The following CSMD1 variants were observed in gnomAD, a reference collection of about 807,000 sequenced individuals.
CSMD1 encodes the protein CUB and Sushi multiple domains 1.
CSMD1 carries 213 observed loss-of-function variants against 417.5 expected under a neutral mutation model. The ratio of observed to expected loss-of-function variants is 0.51; its 90% CI spans 0.46 to 0.57. CSMD1 has a LOEUF of 0.57. Among genes scored for constraint, CSMD1 ranks in the 20% least tolerant of loss-of-function variants. The pLI, the probability that CSMD1 is intolerant of heterozygous loss-of-function variation, is 0.00. For synonymous variants in CSMD1, 2,862 were observed against 1,736.8 expected, an observed-to-expected ratio of 1.65 and a Z score of -16.11; for missense variants, 6,923 against 4,529.7, an observed-to-expected ratio of 1.53 and a Z score of -15.17.
chr8:3,732,507 G>C (rs937206986), intron 6 of CSMD1, among the ~76,000 whole-genome samples: 5 of 151,024 alleles, frequency 3.3e-5, no homozygotes, highest in Admixed American at 1.3e-4. Flanking sequence ...ATAGCTATAA[G>C]AGGAAAATAT....
At chr8:3,409,737 G>A (rs750570263) in intron 12 of CSMD1, 132 bp from the exon 13 acceptor site, 24 of 652,072 alleles carry the variant, frequency 3.7e-5, no homozygotes, top group Non-Finnish European at 5.6e-5. Context: ...TGTTTCTAAA[G>A]GATATTCAAT....
At chr8:3,672,070 C>T (rs980487635) in intron 7 of CSMD1, among the ~76,000 whole-genome samples, 3 of 152,162 alleles carry the variant, frequency 2.0e-5, no homozygotes, top group African/African-American at 7.2e-5. Flanking sequence ...TCTTATCTTA[C>T]TTTCAAAGTG....
intron 23 of CSMD1, among the ~76,000 whole-genome samples, chr8:3,311,238 C>G (rs540203061): frequency 5.3e-5 from 8 of 152,018 alleles, no homozygotes; most frequent in African/African-American, 1.9e-4. Context: ...ATAGTCCTCC[C>G]CACTACTAAT....
At chr8:4,077,160 G>A (rs1264836587) in intron 3 of CSMD1, among the ~76,000 whole-genome samples, 2 of 151,358 alleles carry the variant, frequency 1.3e-5, no homozygotes, top group Non-Finnish European at 2.9e-5. Context: ...GCATCCAACT[G>A]CACCCAATGG....
intron 4 of CSMD1, among the ~76,000 whole-genome samples, chr8:4,027,974 G>C (rs147731095): frequency 6.6e-6 from 1 of 152,116 alleles, no homozygotes; most frequent in African/African-American, 2.4e-5. Flanking sequence ...GATGCCCAAT[G>C]GCACTCTCTT....
At chr8:4,302,016 T>G (rs774904121) in intron 3 of CSMD1, among the ~76,000 whole-genome samples, 16 of 152,246 alleles carry the variant, frequency 1.1e-4, no homozygotes, top group Non-Finnish European at 1.5e-4. Context: ...ATGAGTTTAT[T>G]TTGGTACAAA....
At chr8:3,785,235 G>C (rs543144042) in intron 5 of CSMD1, among the ~76,000 whole-genome samples, 1 of 152,234 alleles carries the variant, frequency 6.6e-6, no homozygotes, top group Non-Finnish European at 1.5e-5. Context: ...ATCACAGTTT[G>C]TGAAATGCTC....
chr8:4,781,982 T>A (rs1302629564), intron 1 of CSMD1, among the ~76,000 whole-genome samples: 2 of 152,218 alleles, frequency 1.3e-5, no homozygotes, highest in Non-Finnish European at 2.9e-5. Context: ...CTGACTTCAT[T>A]TCTCCAGAGT....
chr8:4,770,065 G>T (rs1445634240), intron 1 of CSMD1, among the ~76,000 whole-genome samples: 1 of 151,672 alleles, frequency 6.6e-6, no homozygotes, highest in African/African-American at 2.4e-5. Context: ...AATCACAGAG[G>T]ACACAAATGC....
At chr8:4,735,550 C>T (rs930010710) in intron 1 of CSMD1, among the ~76,000 whole-genome samples, 1 of 152,170 alleles carries the variant, frequency 6.6e-6, no homozygotes, top group Non-Finnish European at 1.5e-5. Flanking sequence ...TTTAAGGTCT[C>T]TTCCCTAGAA....
At chr8:4,147,011 G>A (rs1050982907) in intron 3 of CSMD1, among the ~76,000 whole-genome samples, 1 of 151,858 alleles carries the variant, frequency 6.6e-6, no homozygotes, top group Non-Finnish European at 1.5e-5. Flanking sequence ...CCACTCAGAG[G>A]CCAGGAGAGT....
At chr8:4,473,346 G>A (rs1380327448) in intron 2 of CSMD1, among the ~76,000 whole-genome samples, 5 of 152,164 alleles carry the variant, frequency 3.3e-5, no homozygotes, top group Admixed American at 3.3e-4. Context: ...ACAACCTGAT[G>A]CCATTGGGGT....
At chr8:4,722,290 A>G (rs80241356) in intron 1 of CSMD1, among the ~76,000 whole-genome samples, 2,459 of 152,176 alleles carry the variant, frequency 0.016, 61 homozygotes, top group African/African-American at 0.056. Flanking sequence ...TACAGACTGC[A>G]AGAAAGAGAA....
chr8:4,272,965 C>G (rs140454194), intron 3 of CSMD1, among the ~76,000 whole-genome samples: 67 of 152,164 alleles, frequency 4.4e-4, no homozygotes, highest in African/African-American at 1.5e-3. Context: ...TTTTTAATTA[C>G]AAAGGAAGGA....
intron 26 of CSMD1, among the ~76,000 whole-genome samples, chr8:3,250,956 G>C (rs993515093): frequency 1.3e-5 from 2 of 152,102 alleles, no homozygotes; most frequent in African/African-American, 2.4e-5. Flanking sequence ...GTAGATTCTG[G>C]ATATTAGCCC....
At chr8:4,994,182 G>A (rs929796737) in intron 1 of CSMD1, 150 bp downstream of exon 1, 4 of 662,862 alleles carry the variant, frequency 6.0e-6, no homozygotes, top group African/African-American at 3.6e-5. Flanking sequence ...TCCCTCCCGT[G>A]CATCGCGTTC....
chr8:3,981,274 A>G (rs1268016368), intron 5 of CSMD1, among the ~76,000 whole-genome samples: 3 of 152,130 alleles, frequency 2.0e-5, no homozygotes, highest in African/African-American at 7.2e-5. Context: ...GTACTCACTG[A>G]TATGTGGGAG....
At chr8:4,042,815 T>TAAAAAAAAAAAAAA (rs60411612) in intron 3 of CSMD1, among the ~76,000 whole-genome samples, 1,364 of 41,302 alleles carry the variant, frequency 0.033, 332 homozygotes, top group Middle Eastern at 0.048. Flanking sequence ...TACAACATAT[T>TAAAAAAAAAAAAAA]AAAAAAAAAA....
chr8:3,492,706 T>A (rs556155638), intron 11 of CSMD1, among the ~76,000 whole-genome samples: 1 of 152,260 alleles, frequency 6.6e-6, no homozygotes, highest in South Asian at 2.1e-4. Flanking sequence ...TGCAGAACAG[T>A]CTGTGATCCT....
Sources: gnomAD v4.1 joint callset for allele counts (sites outside exome capture counted in the v4.1 genomes callset) on GRCh38, gnomAD v4.1.1 for gene constraint, MANE v1.5 for transcripts, NCBI Gene and HGNC (gene_info 2026-07-23, HGNC 2026-07-21) for gene names.